Variants in TAFA1 observed in about 807,000 individuals in gnomAD.
The protein encoded by TAFA1 is chemokine-like protein TAFA-1.
A neutral mutation model predicts 18.5 loss-of-function variants in TAFA1; 4 were observed. The ratio of observed to expected loss-of-function variants is 0.22; its 90% CI spans 0.11 to 0.49. The LOEUF (loss-of-function observed/expected upper bound fraction) is 0.49, where lower values mean the gene tolerates loss of function less well. Among genes scored for constraint, TAFA1 ranks in the 20% least tolerant of loss-of-function variants. TAFA1 has a pLI of 0.98. For synonymous variants in TAFA1, 56 were observed against 55.2 expected (o/e 1.01, Z -0.06); for missense variants, 147 against 169.0 (o/e 0.87, Z 0.72).
intron 2 of TAFA1, among the ~76,000 whole-genome samples, chr3:68,317,090 T>C (rs1473684824): frequency 6.6e-6 from 1 of 152,084 alleles, no homozygotes; most frequent in African/African-American, 2.4e-5. Context: ...AATTGAAGGG[T>C]CAATAATTTG....
At chr3:68,147,856 G>C (rs760169142) in intron 2 of TAFA1, among the ~76,000 whole-genome samples, 3 of 152,166 alleles carry the variant, frequency 2.0e-5, no homozygotes, top group Non-Finnish European at 4.4e-5. Context: ...CTTATTGTAA[G>C]CATTAAATGT....
At chr3:68,516,165 T>C (rs1303231522) in intron 3 of TAFA1, among the ~76,000 whole-genome samples, 2 of 152,234 alleles carry the variant, frequency 1.3e-5, no homozygotes, top group Non-Finnish European at 2.9e-5. Flanking sequence ...TTTAAGAATA[T>C]TGTAGGTTGC....
At chr3:68,013,759 A>G (rs1232711103) in intron 2 of TAFA1, among the ~76,000 whole-genome samples, 1 of 152,190 alleles carries the variant, frequency 6.6e-6, no homozygotes, top group Non-Finnish European at 1.5e-5. Flanking sequence ...CAAAGCACTT[A>G]GGGAACTCTG....
intron 2 of TAFA1, among the ~76,000 whole-genome samples, chr3:68,210,803 G>A (rs1473649255): frequency 2.6e-5 from 4 of 151,984 alleles, no homozygotes; most frequent in Non-Finnish European, 5.9e-5. Context: ...CCAAAACTGA[G>A]CAGCTAAAAC....
chr3:68,132,084 T>C (rs946169822), intron 2 of TAFA1, among the ~76,000 whole-genome samples: 2 of 152,164 alleles, frequency 1.3e-5, no homozygotes, highest in Admixed American at 6.5e-5. Flanking sequence ...TCTGTGTCCA[T>C]GTGTTCTCAT....
At chr3:68,044,620 T>G (rs769238268) in intron 2 of TAFA1, among the ~76,000 whole-genome samples, 1 of 152,178 alleles carries the variant, frequency 6.6e-6, no homozygotes, top group Non-Finnish European at 1.5e-5. Context: ...TTCATCTTCT[T>G]ACATTGATAT....
intron 2 of TAFA1, among the ~76,000 whole-genome samples, chr3:68,139,645 G>A (rs774651842): frequency 2.6e-5 from 4 of 152,032 alleles, no homozygotes; most frequent in South Asian, 2.1e-4. Context: ...CAATTTTTTC[G>A]TGACTTGAAT....
intron 3 of TAFA1, among the ~76,000 whole-genome samples, chr3:68,429,035 G>A (rs1006458552): frequency 6.6e-6 from 1 of 151,994 alleles, no homozygotes; most frequent in Non-Finnish European, 1.5e-5. Context: ...TTGCTCTACA[G>A]CATGCCTTGA....
intron 2 of TAFA1, among the ~76,000 whole-genome samples, chr3:68,203,682 C>T (rs990059679): frequency 2.6e-5 from 4 of 151,536 alleles, no homozygotes; most frequent in South Asian, 4.1e-4. Flanking sequence ...TGGTATTTAT[C>T]TTTTCTCACA....
At chr3:68,136,081 G>A (rs760930615) in intron 2 of TAFA1, among the ~76,000 whole-genome samples, 2 of 152,050 alleles carry the variant, frequency 1.3e-5, no homozygotes, top group Admixed American at 1.3e-4. Flanking sequence ...AGGGCAAATA[G>A]AATAGTTTTC....
In TAFA1 at chr3:68,305,409, C is replaced by CTATATA. The variant is rs773025236; in HGVS notation, c.119-111828_119-111823dup. On this transcript the variant is annotated intron_variant, in intron 2 of 4. Transcript: ENST00000478136. ...TATATGACTATATATGACTATATGA[C>CTATATA]TATATATATATATATATATATATAT... Among the ~76,000 whole-genome samples the CTATATA allele has an allele frequency of 9.0e-3, 342 of 38,092 alleles. 23 individuals carry two copies. Among genetic ancestry groups the CTATATA allele is most frequent in the South Asian group, 0.012 (10 of 812 alleles). The allele number at this position is 38,092 out of a possible 152,430, so 25.0% of individuals were successfully genotyped here.
intron 2 of TAFA1, among the ~76,000 whole-genome samples, chr3:68,155,918 G>A (rs1257756943): frequency 6.6e-6 from 1 of 152,070 alleles, no homozygotes; most frequent in Non-Finnish European, 1.5e-5. Flanking sequence ...ATCCAAGCCT[G>A]CCAGCATAGC....
In TAFA1 at chr3:68,544,549, A is replaced by G. The variant is rs142726288; in HGVS notation, c.*46A>G. 514 of 1,595,564 alleles carry G rather than the reference A, an allele frequency of 3.2e-4. 1 individual carries two copies. In the African/African-American group the frequency reaches 6.0e-3, roughly 19 times the overall value. ...AAGGAAAACCAACCCTCTGGAAAAT[A>G]CATTTTGAGAATCTCAAACATCTCA... is the stretch of plus-strand genomic sequence containing the variant. On this transcript the variant is annotated 3_prime_UTR_variant, in exon 5 of 5. Transcript: ENST00000478136.
At chr3:68,462,437 G>A (rs78486610) in intron 3 of TAFA1, among the ~76,000 whole-genome samples, 43 of 152,040 alleles carry the variant, frequency 2.8e-4, no homozygotes, top group Admixed American at 2.7e-3. Flanking sequence ...CATGTAAGAC[G>A]TGAATTTGCT....
At chr3:68,450,103 T>C (rs1209500188) in intron 3 of TAFA1, among the ~76,000 whole-genome samples, 2 of 152,250 alleles carry the variant, frequency 1.3e-5, no homozygotes, top group East Asian at 3.9e-4. Flanking sequence ...GGAGTTAAAA[T>C]TGTAGTCCTG....
At chr3:68,087,205 A>G (rs1317777453) in intron 2 of TAFA1, among the ~76,000 whole-genome samples, 2 of 152,322 alleles carry the variant, frequency 1.3e-5, no homozygotes, top group East Asian at 1.9e-4. Flanking sequence ...CAGCTACTTC[A>G]GTAGAAATCC....
chr3:68,398,911 A>C (rs1281306109), intron 2 of TAFA1, among the ~76,000 whole-genome samples: 2 of 152,186 alleles, frequency 1.3e-5, no homozygotes, highest in East Asian at 3.8e-4. Flanking sequence ...TATTCTAAAA[A>C]TTGCATTCTT....
intron 3 of TAFA1, among the ~76,000 whole-genome samples, chr3:68,445,296 T>G (rs2071456044): frequency 6.6e-6 from 1 of 152,168 alleles, no homozygotes; most frequent in Non-Finnish European, 1.5e-5. Context: ...CACTCCAATT[T>G]AGTTGGAAGA....
At chr3:68,263,451 A>T (rs200529848) in intron 2 of TAFA1, among the ~76,000 whole-genome samples, 1 of 149,676 alleles carries the variant, frequency 6.7e-6, no homozygotes, top group Non-Finnish European at 1.5e-5. Flanking sequence ...ACACATACAC[A>T]CACACACACA....
Sources: allele counts gnomAD v4.1 joint callset (sites outside exome capture counted in the v4.1 genomes callset), GRCh38; gene constraint gnomAD v4.1.1; transcripts MANE v1.5; gene names NCBI Gene and HGNC (gene_info 2026-07-23, HGNC 2026-07-21).